Variants in NLGN1 observed in about 807,000 individuals in gnomAD.
NLGN1 encodes the protein neuroligin 1, also known as neuroligin-1.
A neutral mutation model predicts 65.5 loss-of-function variants in NLGN1; 12 were observed. The ratio of observed to expected loss-of-function variants is 0.18; its 90% CI spans 0.12 to 0.30. The LOEUF (loss-of-function observed/expected upper bound fraction) is 0.30. NLGN1 is among the 10% of genes least tolerant of loss of function. NLGN1 has a pLI of 1.00. For missense variants in NLGN1, 750 were observed against 1,007.1 expected (o/e 0.74, Z 3.46); for synonymous variants, 350 against 359.5 (o/e 0.97, Z 0.30).
At chr3:173,817,610 A>T (rs1404120480) in intron 4 of NLGN1, among the ~76,000 whole-genome samples, 2 of 152,212 alleles carry the variant, frequency 1.3e-5, no homozygotes, top group Non-Finnish European at 1.5e-5. Context: ...TCAAACCAGC[A>T]TTGTGAAGAG....
exon 7 of NLGN1, chr3:174,283,207 G>A (rs1344626178): frequency 1.3e-5 from 2 of 151,398 alleles, no homozygotes; most frequent in East Asian, 1.9e-4. Flanking sequence ...GATTAGACCA[G>A]TCAGGTTTTT....
intron 4 of NLGN1, among the ~76,000 whole-genome samples, chr3:174,075,397 T>G (rs778209641): frequency 4.6e-5 from 7 of 152,154 alleles, no homozygotes; most frequent in Non-Finnish European, 8.8e-5. Context: ...CAATAAAAAT[T>G]AGCAAATCTA....
At chr3:173,560,213 C>T (rs1477784083) in intron 2 of NLGN1, among the ~76,000 whole-genome samples, 6 of 152,174 alleles carry the variant, frequency 3.9e-5, no homozygotes, top group East Asian at 1.9e-4. Context: ...TTACTACAAG[C>T]GTGAGCCACC....
chr3:174,124,490 CAT>C (rs1004467620), intron 4 of NLGN1, among the ~76,000 whole-genome samples: 6 of 148,568 alleles, frequency 4.0e-5, no homozygotes, highest in African/African-American at 7.4e-5. Context: ...TGTATATACA[CAT>C]ATATGTGTAT....
intron 4 of NLGN1, among the ~76,000 whole-genome samples, chr3:174,124,591 ATACG>A (rs1342090988): frequency 2.5e-5 from 2 of 80,722 alleles, no homozygotes; most frequent in African/African-American, 2.4e-4. Flanking sequence ...ATACGTATAT[ATACG>A]TATACATATA....
At position 174,248,983 on chromosome 3, in the gene NLGN1, C is replaced by A. The variant is rs141166382; in HGVS notation, c.647-26332C>A. 3.0e-3 allele frequency among the ~76,000 whole-genome samples: 464 copies of A among 152,228 alleles called. 1 individual carries two copies. The highest frequency in any genetic ancestry group is 0.011 in the African/African-American group (437 of 41,534). On this transcript the variant is annotated intron_variant, in intron 4 of 6. Transcript: ENST00000457714. ...GGCTTCCCCACATCCAGGAAATCTG[C>A]GATGCTGCTATATTTAATTAAAAGT...
intron 4 of NLGN1, among the ~76,000 whole-genome samples, chr3:174,123,631 T>C (rs898473429): frequency 4.6e-5 from 7 of 152,114 alleles, no homozygotes; most frequent in Non-Finnish European, 5.9e-5. Flanking sequence ...CCCGCTTCCA[T>C]TACTGAAGCT....
intron 4 of NLGN1, among the ~76,000 whole-genome samples, chr3:174,091,694 T>G (rs557784889): frequency 1.3e-5 from 2 of 152,214 alleles, no homozygotes; most frequent in Admixed American, 6.5e-5. Context: ...AAGTAATATA[T>G]AAAGTTTAGG....
At position 173,474,922 on chromosome 3, in the gene NLGN1, C is replaced by T. The variant is rs570717266; in HGVS notation, c.-321+39844C>T. On this transcript the variant is annotated intron_variant, in intron 2 of 6. Coordinates refer to ENST00000457714, the Ensembl canonical transcript of NLGN1. The stretch of plus-strand genomic sequence containing the variant: ...GCAGTGAGTGGAGATCCCGCCACTG[C>T]ACTCCAGCCTGGGCAACAGAGTGAG... 2.6e-5 allele frequency among the ~76,000 whole-genome samples: 4 copies of T among 151,996 alleles called. No homozygotes were observed. In the South Asian group the frequency reaches 8.3e-4, roughly 32 times the overall value.
At chr3:173,612,050 A>T (rs1252373740) in intron 3 of NLGN1, among the ~76,000 whole-genome samples, 1 of 151,970 alleles carries the variant, frequency 6.6e-6, no homozygotes, top group Non-Finnish European at 1.5e-5. Context: ...CACATTTTGT[A>T]GATAATATTC....
At chr3:173,945,320 T>G (rs1241013052) in intron 4 of NLGN1, among the ~76,000 whole-genome samples, 1 of 152,018 alleles carries the variant, frequency 6.6e-6, no homozygotes, top group Non-Finnish European at 1.5e-5. Context: ...TCCTAACAAA[T>G]ACATTTTTTG....
At chr3:173,717,896 G>T (rs1770140978) in intron 3 of NLGN1, among the ~76,000 whole-genome samples, 1 of 152,110 alleles carries the variant, frequency 6.6e-6, no homozygotes, top group African/African-American at 2.4e-5. Context: ...CATGATGTAG[G>T]TACAAGGGTA....
intron 4 of NLGN1, among the ~76,000 whole-genome samples, chr3:174,083,160 A>G (rs1245818530): frequency 1.3e-5 from 2 of 152,234 alleles, no homozygotes; most frequent in East Asian, 1.9e-4. Context: ...AATGACATGT[A>G]TAGTAGATGA....
intron 3 of NLGN1, among the ~76,000 whole-genome samples, chr3:173,720,130 A>AT (rs1348310105): frequency 6.6e-6 from 1 of 152,166 alleles, no homozygotes; most frequent in African/African-American, 2.4e-5. Flanking sequence ...AATAAAAAAA[A>AT]GAAAAAGAAT....
intron 2 of NLGN1, among the ~76,000 whole-genome samples, chr3:173,457,109 T>G (rs545209282): frequency 4.8e-4 from 73 of 152,278 alleles, no homozygotes; most frequent in African/African-American, 1.7e-3. Context: ...GATGATATCC[T>G]GAGCCACAGA....
chr3:174,081,689 A>G (rs1742273988), intron 4 of NLGN1, among the ~76,000 whole-genome samples: 1 of 147,548 alleles, frequency 6.8e-6, no homozygotes, highest in Non-Finnish European at 1.5e-5. Flanking sequence ...CTCCTGCCTC[A>G]GCCTCCCGAG....
intron 4 of NLGN1, among the ~76,000 whole-genome samples, chr3:173,833,416 T>C (rs1469571397): frequency 1.3e-5 from 2 of 152,210 alleles, no homozygotes; most frequent in South Asian, 2.1e-4. Context: ...TTTAAAATTA[T>C]ATTTTAGGTA....
downstream of NLGN1, among the ~76,000 whole-genome samples, chr3:174,290,962 T>C (rs1184524065): frequency 6.6e-6 from 1 of 150,478 alleles, no homozygotes; most frequent in Non-Finnish European, 1.5e-5. Context: ...AATAGCAACA[T>C]AAATCAGAAT....
chr3:173,963,050 T>C (rs2152351375), intron 4 of NLGN1, among the ~76,000 whole-genome samples: 1 of 152,170 alleles, frequency 6.6e-6, no homozygotes, highest in Admixed American at 6.5e-5. Flanking sequence ...AAATAATAAT[T>C]CCAACAATAA....
Sources: gnomAD v4.1 joint callset for allele counts (sites outside exome capture counted in the v4.1 genomes callset) on GRCh38, gnomAD v4.1.1 for gene constraint, MANE v1.5 for transcripts, NCBI Gene and HGNC (gene_info 2026-07-23, HGNC 2026-07-21) for gene names.